Variants in NRXN1 observed in about 807,000 individuals in gnomAD.
NRXN1 encodes the protein neurexin-1.
NRXN1 carries 39 observed loss-of-function variants against 150.9 expected under a neutral mutation model. That is an observed-to-expected ratio of 0.26 (90% confidence interval 0.20 to 0.34). The LOEUF is 0.34. NRXN1 is among the 10% of genes least tolerant of loss of function. The pLI, the probability that NRXN1 is intolerant of heterozygous loss-of-function variation, is 1.00. For synonymous variants in NRXN1, 924 were observed against 757.0 expected, an observed-to-expected ratio of 1.22 and a Z score of -3.62; for missense variants, 1,815 against 1,949.9, an observed-to-expected ratio of 0.93 and a Z score of 1.30.
At chr2:50,950,631 C>T (rs141290073) in intron 2 of NRXN1, among the ~76,000 whole-genome samples, 1 of 152,160 alleles carries the variant, frequency 6.6e-6, no homozygotes, top group African/African-American at 2.4e-5. Flanking sequence ...GCACTAAATG[C>T]TACTAGTGTG....
Position 50,881,667 on chromosome 2 carries a change from C to T in NRXN1, c.832+40202G>A, listed in dbSNP as rs546545495. On this transcript the variant is annotated intron_variant, in intron 5 of 22. Coordinates refer to ENST00000401669, the MANE Select transcript of NRXN1 (RefSeq NM_001330078.2). Reference sequence around the variant, plus strand: ...AAGGCTGGAAGAGTGGAATCAGGGGCTGGACCCTGATTTGAGTGAGGAGGT... The same window carrying T: ...AAGGCTGGAAGAGTGGAATCAGGGGTTGGACCCTGATTTGAGTGAGGAGGT... Among the ~76,000 whole-genome samples the T allele has an allele frequency of 1.1e-4, 16 of 151,932 alleles. No individual in the cohort carries two copies. The East Asian group carries it at 2.9e-3, about 28-fold the overall frequency.
intron 13 of NRXN1, among the ~76,000 whole-genome samples, chr2:50,504,282 T>C (rs1252873364): frequency 6.6e-6 from 1 of 152,144 alleles, no homozygotes; most frequent in East Asian, 1.9e-4. Context: ...AATTGTTATC[T>C]ATGCAAACTT....
intron 21 of NRXN1, among the ~76,000 whole-genome samples, chr2:49,976,350 T>A (rs1573171141): frequency 6.6e-6 from 1 of 152,100 alleles, no homozygotes; most frequent in African/African-American, 2.4e-5. Flanking sequence ...GAAATTTCTG[T>A]AAGGACATAA....
At chr2:49,960,558 T>C (rs1215550500) in intron 21 of NRXN1, among the ~76,000 whole-genome samples, 2 of 152,188 alleles carry the variant, frequency 1.3e-5, no homozygotes, top group Non-Finnish European at 2.9e-5. Flanking sequence ...TCCAGAAGCA[T>C]GATAATTATT....
Position 51,018,916 on chromosome 2 carries a change from GA to G in NRXN1, c.772+8585del, listed in dbSNP as rs373054623. On this transcript the variant is annotated intron_variant, in intron 2 of 22. Coordinates refer to ENST00000401669, the MANE Select transcript of NRXN1 (RefSeq NM_001330078.2). ...CAACCCATCAAGTAGAATATGAAAA[GA>G]AGGTTAACAAAGGAAGCAAATAAAC... Among the ~76,000 whole-genome samples, 71 of 152,190 alleles carry G rather than the reference GA, an allele frequency of 4.7e-4. No individual in the cohort carries two copies. In the East Asian group the frequency reaches 9.1e-3, roughly 19 times the overall value.
chr2:50,582,957 T>G (rs1207374283), intron 8 of NRXN1, among the ~76,000 whole-genome samples: 1 of 151,668 alleles, frequency 6.6e-6, no homozygotes, highest in Non-Finnish European at 1.5e-5. Context: ...ACCCACACTT[T>G]GTATATATTG....
intron 2 of NRXN1, among the ~76,000 whole-genome samples, chr2:50,994,866 A>G (rs1699035021): frequency 6.6e-6 from 1 of 152,062 alleles, no homozygotes; most frequent in African/African-American, 2.4e-5. Flanking sequence ...CTTACTTAGT[A>G]AACACATACA....
chr2:49,991,770 A>C (rs1592723), intron 21 of NRXN1, among the ~76,000 whole-genome samples: 72,523 of 151,980 alleles, frequency 0.48, 17,815 homozygotes, highest in Middle Eastern at 0.61. Flanking sequence ...AGGCAAAAGA[A>C]CTGGAATGGC....
chr2:50,435,493 C>T (rs988977563), intron 17 of NRXN1, among the ~76,000 whole-genome samples: 2 of 152,124 alleles, frequency 1.3e-5, no homozygotes, highest in Non-Finnish European at 2.9e-5. Context: ...ATGTAGTCTG[C>T]ATAGTATTCC....
chr2:51,020,209 G>A (rs1218646509), intron 2 of NRXN1, among the ~76,000 whole-genome samples: 1 of 151,284 alleles, frequency 6.6e-6, no homozygotes, highest in African/African-American at 2.4e-5. Context: ...ACCACTAAAA[G>A]GTACCTTTAT....
rs974683850 is a variant in NRXN1, at chr2:50,174,523, A to G, written c.3546+62266T>C. ...ATGCTGTATTTTAGATTCAGATTCA[A>G]CAGCCACTATACTAGTTACATTCAT... is the stretch of plus-strand genomic sequence containing the variant. On this transcript the variant is annotated intron_variant, in intron 18 of 22. Coordinates refer to ENST00000401669, the MANE Select transcript of NRXN1 (RefSeq NM_001330078.2). 2.6e-5 allele frequency: 4 copies of G among 152,298 alleles called. No individual in the cohort carries two copies. The East Asian group carries it at 7.7e-4, about 29-fold the overall frequency. The allele number at this position is 152,298 out of a possible 1,614,324, so 9.4% of individuals were successfully genotyped here. A position where few individuals can be genotyped will look rare whatever the true frequency, so the allele number is the denominator to read the frequency against.
chr2:50,323,571 C>CTATATATATATATATATATATA (rs149609146), intron 17 of NRXN1, among the ~76,000 whole-genome samples: 176 of 144,300 alleles, frequency 1.2e-3, no homozygotes, highest in African/African-American at 4.4e-3. Flanking sequence ...GGGAAATAAA[C>CTATATATATATATATATATATA]TATATATATA....
intron 2 of NRXN1, among the ~76,000 whole-genome samples, chr2:51,012,996 C>T (rs1443689767): frequency 6.6e-6 from 1 of 151,988 alleles, no homozygotes; most frequent in African/African-American, 2.4e-5. Context: ...AGAGGAAGAA[C>T]AATTACATAG....
intron 2 of NRXN1, among the ~76,000 whole-genome samples, chr2:50,966,417 A>T (rs1177639042): frequency 6.6e-6 from 1 of 151,346 alleles, no homozygotes; most frequent in Non-Finnish European, 1.5e-5. Context: ...CTGTTACTTT[A>T]GTCTTCCGCT....
At chr2:50,267,098 A>C (rs2152919469) in intron 17 of NRXN1, among the ~76,000 whole-genome samples, 1 of 152,254 alleles carries the variant, frequency 6.6e-6, no homozygotes, top group Non-Finnish European at 1.5e-5. Flanking sequence ...GTGCTCTGTG[A>C]GGTTGTCAGA....
chr2:51,018,005 T>C (rs1248943677), intron 2 of NRXN1, among the ~76,000 whole-genome samples: 2 of 152,054 alleles, frequency 1.3e-5, no homozygotes, highest in Non-Finnish European at 2.9e-5. Flanking sequence ...TTAATTTCCT[T>C]GTCTCCGCTG....
intron 12 of NRXN1, among the ~76,000 whole-genome samples, chr2:50,513,034 T>C (rs1161430477): frequency 1.3e-5 from 2 of 152,200 alleles, no homozygotes; most frequent in Admixed American, 6.5e-5. Flanking sequence ...TTGCATTTTC[T>C]GGTTGCTTAG....
At chr2:50,584,625 G>A (rs1672801014) in intron 8 of NRXN1, among the ~76,000 whole-genome samples, 1 of 152,190 alleles carries the variant, frequency 6.6e-6, no homozygotes, top group African/African-American at 2.4e-5. Context: ...AGTGCAAGTG[G>A]TGGAGCAAAG....
intron 5 of NRXN1, among the ~76,000 whole-genome samples, chr2:50,777,110 T>C (rs1416804485): frequency 6.6e-6 from 1 of 152,256 alleles, no homozygotes; most frequent in East Asian, 1.9e-4. Flanking sequence ...ATCATGAAAA[T>C]GTGTATTCTC....
Sources: allele counts gnomAD v4.1 joint callset (sites outside exome capture counted in the v4.1 genomes callset), GRCh38; gene constraint gnomAD v4.1.1; transcripts MANE v1.5; gene names NCBI Gene and HGNC (gene_info 2026-07-23, HGNC 2026-07-21).